Variants in CUL4B observed in about 807,000 individuals in gnomAD.
The protein encoded by CUL4B is cullin-4B.
Under a neutral mutation model 69.2 loss-of-function variants are expected in CUL4B, and 1 was observed. The ratio of observed to expected loss-of-function variants is 0.01; its 90% confidence interval spans 0.01 to 0.07. CUL4B has a LOEUF of 0.07. Among genes scored for constraint, CUL4B ranks in the 10% least tolerant of loss-of-function variants. The pLI, the probability that CUL4B is intolerant of heterozygous loss-of-function variation, is 1.00. For missense variants in CUL4B, 328 were observed against 638.8 expected, an observed-to-expected ratio of 0.51 and a Z score of 5.24; for synonymous variants, 237 against 223.2, an observed-to-expected ratio of 1.06 and a Z score of -0.55.
chrX:120,544,520 A>G lies in CUL4B; in HGVS notation c.1044T>C (p.Ser348=), dbSNP rs1924202904. The G allele has an allele frequency of 8.3e-7, 1 of 1,211,251 alleles. No homozygotes were observed. Among genetic ancestry groups the G allele is most frequent in the Admixed American group, 2.2e-5 (1 of 46,025 alleles). Residue 348 remains serine (S), a synonymous_variant, in exon 6 of 20, where the codon AGT becomes AGC. Coordinates refer to ENST00000371322, the MANE Select transcript of CUL4B (RefSeq NM_001079872.2). ...GCATGCTTAAAAGGCTTCGAAGTAA[A>G]CTTCTATCAATTGCTTCACCATTCC... ...RERNGEAIDR[S]LLRSLLSMLS...
downstream of CUL4B, among the ~76,000 whole-genome samples, chrX:120,570,357 C>G (rs1027071265): frequency 1.2e-4 from 14 of 112,290 alleles, no homozygotes; most frequent in African/African-American, 4.5e-4. Context: ...GCCCATGGAC[C>G]AAACCCTGTC....
chrX:120,567,608 C>T (rs1419698074), downstream of CUL4B, among the ~76,000 whole-genome samples: 3 of 107,720 alleles, frequency 2.8e-5, no homozygotes, highest in Non-Finnish European at 3.8e-5. Flanking sequence ...TGCGGTGGCT[C>T]ATGCCTGTGC....
intron 16 of CUL4B, among the ~76,000 whole-genome samples, chrX:120,534,799 A>C (rs1279852186): frequency 9.0e-6 from 1 of 111,308 alleles, no homozygotes; most frequent in African/African-American, 3.3e-5. Flanking sequence ...CTGACCTTTT[A>C]ACAGTTTTTT....
At chrX:120,571,745 T>C (rs1243083223) in exon 3 of CUL4B, 1 of 111,002 alleles carries the variant, frequency 9.0e-6, no homozygotes, top group Non-Finnish European at 1.9e-5. Context: ...ACACATATTT[T>C]TTCAATAAAT....
chrX:120,547,531 A>C (rs1924410408), intron 2 of CUL4B, among the ~76,000 whole-genome samples: 3 of 112,208 alleles, frequency 2.7e-5, no homozygotes, highest in Non-Finnish European at 5.6e-5. Context: ...CATGCTGCTC[A>C]AAGAAAATCC....
chrX:120,531,198 T>C, intron 18 of CUL4B, among the ~76,000 whole-genome samples: 1 of 109,195 alleles, frequency 9.2e-6, no homozygotes, highest in Non-Finnish European at 1.9e-5. Context: ...CGCTCACGCA[T>C]GTAGTCCCAG....
At chrX:120,562,542 C>T (rs1364489802), upstream of CUL4B, among the ~76,000 whole-genome samples, 1 of 111,551 alleles carries the variant, frequency 9.0e-6, no homozygotes, top group Non-Finnish European at 1.9e-5. Context: ...ATTTCCATAA[C>T]AATAATATGA....
chrX:120,569,080 A>G (rs1342070485), downstream of CUL4B, among the ~76,000 whole-genome samples: 1 of 112,093 alleles, frequency 8.9e-6, no homozygotes, highest in African/African-American at 3.2e-5. Flanking sequence ...ACAGCCGGCA[A>G]TGCACATTTA....
At chrX:120,531,657 G>A (rs1422175685) in intron 18 of CUL4B, among the ~76,000 whole-genome samples, 4 of 109,593 alleles carry the variant, frequency 3.6e-5, no homozygotes, top group Non-Finnish European at 5.7e-5. Flanking sequence ...ACAGGGTATC[G>A]CCATGTTGGC....
At chrX:120,568,269 C>T (rs62616190), downstream of CUL4B, among the ~76,000 whole-genome samples, 25,424 of 110,843 alleles carry the variant, frequency 0.23, 2,282 homozygotes, top group Admixed American at 0.35. Context: ...GCTGACCTCA[C>T]AGTATTGCCT....
At chrX:120,528,225 G>A (rs1032471130) in intron 19 of CUL4B, among the ~76,000 whole-genome samples, 5 of 108,262 alleles carry the variant, frequency 4.6e-5, no homozygotes, top group African/African-American at 1.7e-4. Flanking sequence ...TGGCTAACAT[G>A]GCAAAACCCC....
chrX:120,531,139 T>C (rs1308480630), intron 18 of CUL4B, among the ~76,000 whole-genome samples: 1 of 109,859 alleles, frequency 9.1e-6, no homozygotes, highest in East Asian at 2.9e-4. Flanking sequence ...CTGGTCAATA[T>C]GGTGAAAACC....
In CUL4B at chrX:120,560,250, G is replaced by C; in HGVS notation, c.389C>G (p.Thr130Ser). The C allele has an allele frequency of 8.3e-7, 1 of 1,211,877 alleles. No individual in the cohort carries two copies. The highest frequency in any genetic ancestry group is 1.1e-6 in the Non-Finnish European group (1 of 895,515). ...TTGCTGCTGCTGAGATGTTGCAGCA[G>C]TTGGTGAAGATGAGGAGGAGGAGGA... Reference protein sequence around the residue: ...SSSSSSSSSPTAATSQQQQLK... With the variant: ...SSSSSSSSSPSAATSQQQQLK... Residue 130 changes from threonine (T) to serine (S), a missense_variant, in exon 1 of 20, where the codon ACT becomes AGT. Coordinates refer to ENST00000371322, the MANE Select transcript of CUL4B (RefSeq NM_001079872.2).
At chrX:120,557,201 G>A (rs188512462) in intron 2 of CUL4B, among the ~76,000 whole-genome samples, 299 of 111,546 alleles carry the variant, frequency 2.7e-3, no homozygotes, top group Non-Finnish European at 4.8e-3. Context: ...GTGAGCCACC[G>A]TGCCCGGCCT....
chrX:120,561,452 A>T, upstream of CUL4B: 2 of 381,670 alleles, frequency 5.2e-6, no homozygotes, highest in Non-Finnish European at 5.0e-6. Context: ...GGGGGGGGGA[A>T]GGGGGGAGGG....
At chrX:120,566,366 T>C (rs1372324484), upstream of CUL4B, among the ~76,000 whole-genome samples, 7 of 57,429 alleles carry the variant, frequency 1.2e-4, no homozygotes, top group African/African-American at 2.9e-4. Context: ...TATATATATA[T>C]ATATATATAT....
At chrX:120,544,675 A>G in intron 5 of CUL4B, 32 bp from the exon 6 acceptor site, 3 of 1,130,527 alleles carry the variant, frequency 2.7e-6, no homozygotes, top group Non-Finnish European at 3.6e-6. Flanking sequence ...ACCTAAATTA[A>G]TTGACAATAC....
intron 16 of CUL4B, among the ~76,000 whole-genome samples, chrX:120,534,903 C>T (rs952733514): frequency 2.7e-5 from 3 of 111,615 alleles, no homozygotes; most frequent in East Asian, 5.6e-4. Context: ...ATCACTATTT[C>T]AAATGTATTT....
chrX:120,563,010 T>TA (rs769551196), upstream of CUL4B, among the ~76,000 whole-genome samples: 22 of 112,367 alleles, frequency 2.0e-4, no homozygotes, highest in Non-Finnish European at 3.4e-4. Context: ...ATCAACTTTC[T>TA]AACTTTGTTT....
Sources: allele counts gnomAD v4.1 joint callset (sites outside exome capture counted in the v4.1 genomes callset), GRCh38; gene constraint gnomAD v4.1.1; transcripts MANE v1.5; gene names NCBI Gene and HGNC (gene_info 2026-07-23, HGNC 2026-07-21).